Variants in SCN9A observed in about 807,000 individuals in gnomAD.
The protein encoded by SCN9A is sodium channel protein type 9 subunit alpha.
Under a neutral mutation model 187.0 loss-of-function variants are expected in SCN9A, and 131 were observed. That is an observed-to-expected ratio of 0.70 (90% confidence interval 0.61 to 0.81). The LOEUF (loss-of-function observed/expected upper bound fraction) is 0.81. Ranked by LOEUF, SCN9A falls within the 30% of genes least tolerant of loss-of-function variation. The pLI, the probability that SCN9A is intolerant of heterozygous loss-of-function variation, is 0.00. For synonymous variants in SCN9A, 809 were observed against 808.6 expected (o/e 1.00, Z -0.01); for missense variants, 2,252 against 2,396.6 (o/e 0.94, Z 1.26).
intron 1 of SCN9A, among the ~76,000 whole-genome samples, chr2:166,368,987 C>CAAA (rs1329733105): frequency 7.3e-5 from 9 of 122,766 alleles, no homozygotes; most frequent in African/African-American, 2.6e-4. Flanking sequence ...AACTCGGTCT[C>CAAA]AAAAAAAAAA....
At chr2:166,359,309 A>G (rs1446649965) in intron 1 of SCN9A, among the ~76,000 whole-genome samples, 1 of 152,158 alleles carries the variant, frequency 6.6e-6, no homozygotes, top group African/African-American at 2.4e-5. Flanking sequence ...GTTAAAAGGA[A>G]CTGCCAATGG....
intron 7 of SCN9A, 47 bp downstream of exon 7, chr2:166,303,043 T>C: frequency 7.6e-7 from 1 of 1,316,976 alleles, no homozygotes; most frequent in East Asian, 2.5e-5. Context: ...GAGAGCAATG[T>C]TTTTAGCATT....
At chr2:166,309,474 T>C (rs1354883685) in intron 2 of SCN9A, among the ~76,000 whole-genome samples, 38 of 152,206 alleles carry the variant, frequency 2.5e-4, no homozygotes, top group Admixed American at 2.4e-3. Flanking sequence ...TACTATGTTA[T>C]ACTAAACATT....
At chr2:166,245,009 A>G (rs1695723682) in intron 18 of SCN9A, among the ~76,000 whole-genome samples, 1 of 152,088 alleles carries the variant, frequency 6.6e-6, no homozygotes, top group Non-Finnish European at 1.5e-5. Context: ...CATTATTGAA[A>G]TTCTGTTTTT....
intron 17 of SCN9A, among the ~76,000 whole-genome samples, chr2:166,266,890 G>T (rs1696764241): frequency 6.6e-6 from 1 of 151,198 alleles, no homozygotes. Flanking sequence ...ATTGATTTTT[G>T]CATGTTGATT....
At position 166,199,310 on chromosome 2, in the gene SCN9A, C is replaced by A. The variant is rs1398450641; in HGVS notation, c.5329G>T (p.Asp1777Tyr). ...ACCTCATAGAACATCTCAAAGTCAT[C>A]CTCACTCAGAGGTTCAGTACTTTCT... The part of the protein sequence containing the change: ...TEESTEPLSE[D>Y]DFEMFYEVWE... Residue 1777 changes from aspartate (D) to tyrosine (Y), a missense_variant, in exon 27 of 27, where the codon GAT becomes TAT. By Grantham distance (160) the Asp-to-Tyr change is radical (BLOSUM62 -3). Transcript: ENST00000642356. 1 of 1,614,032 alleles carries A rather than the reference C, an allele frequency of 6.2e-7. No homozygotes were observed. Among genetic ancestry groups the A allele is most frequent in the Non-Finnish European group, 8.5e-7 (1 of 1,180,036 alleles).
At chr2:166,268,187 CATAA>C (rs1401623887) in intron 17 of SCN9A, among the ~76,000 whole-genome samples, 3 of 151,864 alleles carry the variant, frequency 2.0e-5, no homozygotes, top group Admixed American at 1.3e-4. Flanking sequence ...CTATTTTACA[CATAA>C]ATAAACTGAA....
At chr2:166,208,919 A>T (rs1326786949) in intron 24 of SCN9A, among the ~76,000 whole-genome samples, 1 of 152,198 alleles carries the variant, frequency 6.6e-6, no homozygotes, top group African/African-American at 2.4e-5. Flanking sequence ...ATTCATTTTC[A>T]TCAAGATACC....
At chr2:166,247,152 G>C (rs16851834) in intron 18 of SCN9A, among the ~76,000 whole-genome samples, 1 of 58,794 alleles carries the variant, frequency 1.7e-5, no homozygotes, top group African/African-American at 1.0e-4. Flanking sequence ...TTAAACCAAA[G>C]CTCTCAAAAA....
At chr2:166,237,097 C>T (rs76580384) in intron 20 of SCN9A, among the ~76,000 whole-genome samples, 3,135 of 151,828 alleles carry the variant, frequency 0.021, 120 homozygotes, top group African/African-American at 0.072. Context: ...ACATATCATT[C>T]TGAGAAAAAT....
At chr2:166,287,946 G>A (rs916373152) in intron 10 of SCN9A, among the ~76,000 whole-genome samples, 3 of 147,452 alleles carry the variant, frequency 2.0e-5, no homozygotes, top group Non-Finnish European at 3.0e-5. Flanking sequence ...GTGTGTATGT[G>A]TGTATATATA....
At chr2:166,367,464 C>G (rs945651176) in intron 1 of SCN9A, among the ~76,000 whole-genome samples, 1 of 152,072 alleles carries the variant, frequency 6.6e-6, no homozygotes, top group East Asian at 1.9e-4. Flanking sequence ...TGGGGTTTCA[C>G]TATGTTGACC....
chr2:166,280,222 A>T, intron 14 of SCN9A, 135 bp downstream of exon 14: 1 of 611,882 alleles, frequency 1.6e-6, no homozygotes, highest in South Asian at 2.1e-5. Flanking sequence ...GACTCTACAC[A>T]TCCATTCATA....
intron 7 of SCN9A, 92 bp from the exon 8 acceptor site, chr2:166,294,754 C>A: frequency 1.2e-6 from 1 of 806,988 alleles, no homozygotes; most frequent in Non-Finnish European, 1.9e-6. Flanking sequence ...AGACATTTAT[C>A]TACAAATTCA....
chr2:166,249,031 G>T (rs946283835), intron 18 of SCN9A, among the ~76,000 whole-genome samples: 1 of 151,764 alleles, frequency 6.6e-6, no homozygotes, highest in Non-Finnish European at 1.5e-5. Context: ...TTGGCCTCTT[G>T]GTTTTTCCCA....
intron 1 of SCN9A, among the ~76,000 whole-genome samples, chr2:166,331,435 C>A (rs1699500227): frequency 1.3e-5 from 2 of 152,112 alleles, no homozygotes; most frequent in Non-Finnish European, 2.9e-5. Flanking sequence ...GATATCAGAG[C>A]CTGTACAGTG....
intron 1 of SCN9A, among the ~76,000 whole-genome samples, chr2:166,318,181 G>T (rs1411515772): frequency 6.6e-6 from 1 of 152,022 alleles, no homozygotes; most frequent in African/African-American, 2.4e-5. Flanking sequence ...GTCCATTTTA[G>T]CTAGAACCAG....
intron 9 of SCN9A, among the ~76,000 whole-genome samples, chr2:166,289,468 A>G (rs1697943250): frequency 6.6e-6 from 1 of 152,072 alleles, no homozygotes; most frequent in Non-Finnish European, 1.5e-5. Flanking sequence ...TTTGCTGAGA[A>G]TGATGGTTTC....
At chr2:166,308,064 A>C (rs6725355) in intron 2 of SCN9A, among the ~76,000 whole-genome samples, 94,274 of 151,452 alleles carry the variant, frequency 0.62, 29,866 homozygotes, top group African/African-American at 0.72. Context: ...AAAACAAATC[A>C]GAGTCTATTG....
Sources: gnomAD v4.1 joint callset for allele counts (sites outside exome capture counted in the v4.1 genomes callset) on GRCh38, gnomAD v4.1.1 for gene constraint, MANE v1.5 for transcripts, NCBI Gene and HGNC (gene_info 2026-07-23, HGNC 2026-07-21) for gene names.